The following HIVEP3 variants were observed in gnomAD, a reference collection of about 807,000 sequenced individuals.
HIVEP3 encodes HIVEP zinc finger 3, also known as transcription factor HIVEP3.
Under a neutral mutation model 152.8 loss-of-function variants are expected in HIVEP3, and 49 were observed. The observed-to-expected ratio is 0.32, with a 90% CI of 0.26 to 0.41. The LOEUF (loss-of-function observed/expected upper bound fraction) is 0.41. Among genes scored for constraint, HIVEP3 ranks in the 10% least tolerant of loss-of-function variants. The pLI is 1.00. For missense variants in HIVEP3, 2,790 were observed against 3,103.3 expected, an observed-to-expected ratio of 0.90 and a Z score of 2.40; for synonymous variants, 1,269 against 1,289.0, an observed-to-expected ratio of 0.98 and a Z score of 0.33.
intron 5 of HIVEP3, among the ~76,000 whole-genome samples, chr1:41,527,495 TCACA>T (rs1169605754): frequency 6.2e-5 from 4 of 64,914 alleles, no homozygotes; most frequent in African/African-American, 5.6e-5. Flanking sequence ...CACACCACCC[TCACA>T]CACACTCACA....
At chr1:41,623,774 C>CCCT (rs1487169192) in intron 3 of HIVEP3, among the ~76,000 whole-genome samples, 2 of 152,204 alleles carry the variant, frequency 1.3e-5, no homozygotes, top group Non-Finnish European at 1.5e-5. Context: ...ATGCTCCAGG[C>CCCT]CCTCCTCCTC....
chr1:41,677,306 C>T (rs1054384668), intron 2 of HIVEP3, among the ~76,000 whole-genome samples: 1 of 152,224 alleles, frequency 6.6e-6, no homozygotes, highest in African/African-American at 2.4e-5. Flanking sequence ...CCGGTCTAAT[C>T]CTCATGACAA....
chr1:41,513,791 T>A, intron 7 of HIVEP3, 41 bp from the exon 8 acceptor site: 4 of 1,461,696 alleles, frequency 2.7e-6, no homozygotes, highest in Non-Finnish European at 2.7e-6. Context: ...CAGTTGGGCC[T>A]TGGCCCCACT....
intron 1 of HIVEP3, among the ~76,000 whole-genome samples, chr1:41,761,206 A>C (rs1647654409): frequency 6.6e-6 from 1 of 152,236 alleles, no homozygotes; most frequent in Non-Finnish European, 1.5e-5. Flanking sequence ...GTGAGTGCCC[A>C]GGTGTGTATG....
intron 3 of HIVEP3, among the ~76,000 whole-genome samples, chr1:41,607,816 A>G (rs1402024507): frequency 6.6e-6 from 1 of 152,232 alleles, no homozygotes; most frequent in South Asian, 2.1e-4. Flanking sequence ...ATCTGAGTTT[A>G]AGTGGCCATG....
intron 2 of HIVEP3, among the ~76,000 whole-genome samples, chr1:41,673,073 G>A (rs1374744403): frequency 6.6e-6 from 1 of 152,228 alleles, no homozygotes; most frequent in Non-Finnish European, 1.5e-5. Flanking sequence ...ATACGGCACA[G>A]CTTCTCCCAG....
At chr1:41,647,736 G>C (rs974840234) in intron 2 of HIVEP3, among the ~76,000 whole-genome samples, 2 of 152,212 alleles carry the variant, frequency 1.3e-5, no homozygotes, top group African/African-American at 4.8e-5. Flanking sequence ...CCTCTCCTCA[G>C]CCTCACTGCC....
At chr1:41,522,367 G>C (rs1642781352) in intron 6 of HIVEP3, among the ~76,000 whole-genome samples, 1 of 152,208 alleles carries the variant, frequency 6.6e-6, no homozygotes, top group Admixed American at 6.5e-5. Context: ...TAGTCAAACA[G>C]TTTCAGATTC....
chr1:42,011,832 A>T (rs1645493491), intron 1 of HIVEP3, among the ~76,000 whole-genome samples: 1 of 152,156 alleles, frequency 6.6e-6, no homozygotes, highest in Admixed American at 6.5e-5. Context: ...TTATCTATAG[A>T]CCAGGAGTTT....
intron 1 of HIVEP3, among the ~76,000 whole-genome samples, chr1:41,858,683 G>A (rs971711758): frequency 5.3e-5 from 8 of 152,190 alleles, no homozygotes; most frequent in Admixed American, 5.2e-4. Flanking sequence ...AATCCAGCGG[G>A]TGAAACAGTG....
At position 41,531,926 on chromosome 1, in the gene HIVEP3, A is replaced by G. The variant is rs138998794; in HGVS notation, c.5208-7016T>C. Among the ~76,000 whole-genome samples, 417 of 99,554 alleles carry G rather than the reference A, an allele frequency of 4.2e-3. 34 individuals carry two copies. Among genetic ancestry groups the G allele is most frequent in the Non-Finnish European group, 6.0e-3 (290 of 48,196 alleles). The allele number at this position is 99,554 out of a possible 152,430, so 65.3% of individuals were successfully genotyped here. On this transcript the variant is annotated intron_variant, in intron 5 of 8. Transcript: ENST00000372583. Reference sequence around the variant, plus strand: ...AGGGGAGATGGAGGACATGAGAGGTAGAGGACAGGGGAGATGGAGGACAGG... The same window carrying G: ...AGGGGAGATGGAGGACATGAGAGGTGGAGGACAGGGGAGATGGAGGACAGG...
intron 1 of HIVEP3, among the ~76,000 whole-genome samples, chr1:41,742,297 C>T (rs1227447426): frequency 3.9e-5 from 6 of 152,230 alleles, no homozygotes; most frequent in African/African-American, 1.4e-4. Flanking sequence ...CACTCATCCA[C>T]TCAATGATTG....
chr1:41,666,122 CGTGTGT>C (rs60976179), intron 2 of HIVEP3, among the ~76,000 whole-genome samples: 9 of 149,716 alleles, frequency 6.0e-5, no homozygotes, highest in African/African-American at 2.2e-4. Context: ...GGTGTGTGTG[CGTGTGT>C]GTGTGTGTGT....
chr1:41,830,903 C>G (rs753914343), intron 1 of HIVEP3, among the ~76,000 whole-genome samples: 1 of 152,174 alleles, frequency 6.6e-6, no homozygotes, highest in African/African-American at 2.4e-5. Context: ...CCTACGCGTT[C>G]GTGACTCACT....
intron 5 of HIVEP3, among the ~76,000 whole-genome samples, chr1:41,563,165 G>A (rs1348138780): frequency 6.6e-6 from 1 of 152,020 alleles, no homozygotes; most frequent in Non-Finnish European, 1.5e-5. Context: ...TGGCCAACAT[G>A]GCGAAATCCC....
At chr1:41,757,091 A>AATTACT (rs1553256810) in intron 1 of HIVEP3, among the ~76,000 whole-genome samples, 1 of 136,540 alleles carries the variant, frequency 7.3e-6, no homozygotes, top group Non-Finnish European at 1.5e-5. Context: ...GTCTCTAAAA[A>AATTACT]ATTATTATTA....
At chr1:41,877,940 C>G (rs1425176530) in intron 1 of HIVEP3, among the ~76,000 whole-genome samples, 1 of 151,976 alleles carries the variant, frequency 6.6e-6, no homozygotes, top group Non-Finnish European at 1.5e-5. Flanking sequence ...CTAAACTAGT[C>G]CTGGACTACA....
intron 2 of HIVEP3, among the ~76,000 whole-genome samples, chr1:41,651,618 A>G (rs1645551094): frequency 6.6e-6 from 1 of 152,216 alleles, no homozygotes; most frequent in African/African-American, 2.4e-5. Flanking sequence ...AAAGGACTTG[A>G]GTAGCTGTGG....
At chr1:41,656,865 C>T (rs763212008) in intron 2 of HIVEP3, among the ~76,000 whole-genome samples, 4 of 152,158 alleles carry the variant, frequency 2.6e-5, no homozygotes, top group Admixed American at 6.5e-5. Flanking sequence ...TTCTCCTGCC[C>T]GACCACTCCA....
Sources: allele counts gnomAD v4.1 joint callset (sites outside exome capture counted in the v4.1 genomes callset), GRCh38; gene constraint gnomAD v4.1.1; transcripts MANE v1.5; gene names NCBI Gene and HGNC (gene_info 2026-07-23, HGNC 2026-07-21).